Variants in NRG1 observed in about 807,000 individuals in gnomAD.
The protein encoded by NRG1 is neuregulin 1, also known as pro-neuregulin-1, membrane-bound isoform.
In NRG1, 18 loss-of-function variants were observed where a neutral mutation model predicts 63.8. The ratio of observed to expected loss-of-function variants is 0.28; its 90% CI spans 0.19 to 0.42. NRG1 has a LOEUF of 0.42. Ranked by LOEUF, NRG1 falls within the 10% of genes least tolerant of loss-of-function variation. The pLI, the probability that NRG1 is intolerant of heterozygous loss-of-function variation, is 1.00. For synonymous variants in NRG1, 302 were observed against 301.3 expected (o/e 1.00, Z -0.02); for missense variants, 762 against 814.7 (o/e 0.94, Z 0.79).
intron 5 of NRG1, among the ~76,000 whole-genome samples, chr8:32,652,068 GTC>G (rs2129547631): frequency 1.3e-5 from 2 of 152,206 alleles, no homozygotes; most frequent in South Asian, 4.1e-4. Flanking sequence ...ATTAGAAAAT[GTC>G]TCTGTCTCTG....
intron 1 of NRG1, among the ~76,000 whole-genome samples, chr8:31,803,072 A>G (rs988272876): frequency 2.0e-5 from 3 of 152,202 alleles, no homozygotes; most frequent in Non-Finnish European, 4.4e-5. Context: ...GAGTGCCATG[A>G]AGGATGAGTC....
At chr8:32,396,376 C>G (rs950255138) in intron 1 of NRG1, among the ~76,000 whole-genome samples, 1 of 152,246 alleles carries the variant, frequency 6.6e-6, no homozygotes, top group South Asian at 2.1e-4. Flanking sequence ...TTCTTTAAAA[C>G]TTCTTTCAAC....
At chr8:32,719,830 C>T (rs959587603) in intron 5 of NRG1, among the ~76,000 whole-genome samples, 1 of 151,988 alleles carries the variant, frequency 6.6e-6, no homozygotes, top group Non-Finnish European at 1.5e-5. Flanking sequence ...ATTGCATCCC[C>T]TCTTGATGCC....
intron 1 of NRG1, among the ~76,000 whole-genome samples, chr8:32,281,195 T>TTTTTTTTTTTTTTTTTTTA (rs1852790731): frequency 7.0e-6 from 1 of 142,074 alleles, no homozygotes. Context: ...TTTTTTTTTT[T>TTTTTTTTTTTTTTTTTTTA]GAGACAGAAT....
intron 1 of NRG1, among the ~76,000 whole-genome samples, chr8:31,645,451 C>T (rs1745735435): frequency 6.6e-6 from 1 of 152,146 alleles, no homozygotes; most frequent in South Asian, 2.1e-4. Context: ...TCAAGTAAAT[C>T]TGTTTCTGAA....
rs1224167483 is a variant in NRG1 at position 32,026,187 on chromosome 8, GA to G, written c.37+386757del. 14 of 151,272 alleles carry G rather than the reference GA, an allele frequency of 9.3e-5. 1 individual carries two copies. The highest frequency in any genetic ancestry group is 3.4e-4 in the African/African-American group (14 of 41,294). The allele number at this position is 151,272 out of a possible 1,614,324, so 9.4% of individuals were successfully genotyped here. A position where few individuals can be genotyped will look rare whatever the true frequency, so the allele number is the denominator to read the frequency against. The stretch of plus-strand genomic sequence containing the variant: ...AGATTCACGCCATTCTCCTGCCTCA[GA>G]CCCCGGAGTAGCCGGGACTACAGGC... On this transcript the variant is annotated intron_variant, in intron 1 of 10. Coordinates refer to the NRG1 transcript ENST00000519301.
At chr8:32,372,410 TA>T (rs892906948) in intron 1 of NRG1, among the ~76,000 whole-genome samples, 3 of 151,780 alleles carry the variant, frequency 2.0e-5, no homozygotes, top group African/African-American at 7.3e-5. Flanking sequence ...GTATTATGTA[TA>T]AAAAAAAGTC....
chr8:32,452,506 A>G (rs1488211716), intron 1 of NRG1, among the ~76,000 whole-genome samples: 1 of 152,226 alleles, frequency 6.6e-6, no homozygotes, highest in African/African-American at 2.4e-5. Flanking sequence ...CAGAACCACT[A>G]AAGTCTAGAG....
chr8:32,692,907 A>C (rs886410076), intron 5 of NRG1, among the ~76,000 whole-genome samples: 8 of 152,180 alleles, frequency 5.3e-5, no homozygotes, highest in African/African-American at 1.9e-4. Context: ...GCCACCTGAC[A>C]TGTGCAGGTC....
intron 1 of NRG1, among the ~76,000 whole-genome samples, chr8:32,518,100 T>C (rs916648235): frequency 2.6e-5 from 4 of 152,282 alleles, no homozygotes; most frequent in Non-Finnish European, 5.9e-5. Flanking sequence ...TATCTCACAA[T>C]TTTTTCCTAG....
At chr8:31,946,706 T>C (rs1455646817) in intron 1 of NRG1, among the ~76,000 whole-genome samples, 3 of 152,116 alleles carry the variant, frequency 2.0e-5, no homozygotes, top group Non-Finnish European at 4.4e-5. Context: ...TGGTGTCCCC[T>C]CCAGGAGGAT....
intron 1 of NRG1, among the ~76,000 whole-genome samples, chr8:31,832,718 G>T (rs142741303): frequency 1.2e-3 from 183 of 152,152 alleles, no homozygotes; most frequent in African/African-American, 4.0e-3. Flanking sequence ...ATTAGGATGG[G>T]GATGTTAGAG....
At chr8:31,863,408 A>G (rs1828652565) in intron 1 of NRG1, among the ~76,000 whole-genome samples, 1 of 152,174 alleles carries the variant, frequency 6.6e-6, no homozygotes. Context: ...GTTTTGTTTA[A>G]TGTTACCTGC....
At chr8:31,684,454 T>C (rs566109733) in intron 1 of NRG1, among the ~76,000 whole-genome samples, 9 of 152,302 alleles carry the variant, frequency 5.9e-5, no homozygotes, top group Non-Finnish European at 1.3e-4. Flanking sequence ...GCTGGGACCT[T>C]GATCTTGGAC....
chr8:32,728,022 T>C, exon 6 of NRG1: 1 of 1,614,114 alleles, frequency 6.2e-7, no homozygotes, highest in South Asian at 1.1e-5. Flanking sequence ...TCTGTGTGAA[T>C]GGAGGGGAGT....
At chr8:32,500,287 C>T (rs898476089) in intron 1 of NRG1, among the ~76,000 whole-genome samples, 1 of 152,178 alleles carries the variant, frequency 6.6e-6, no homozygotes, top group African/African-American at 2.4e-5. Context: ...AGCCATTAGA[C>T]TTTATCTGTA....
chr8:31,722,714 A>G (rs1033274260), intron 1 of NRG1, among the ~76,000 whole-genome samples: 1 of 152,218 alleles, frequency 6.6e-6, no homozygotes, highest in Non-Finnish European at 1.5e-5. Context: ...AACCAGACAC[A>G]TAGAGTAAAA....
intron 1 of NRG1, among the ~76,000 whole-genome samples, chr8:31,908,387 G>A (rs1371664706): frequency 1.3e-5 from 2 of 152,142 alleles, no homozygotes; most frequent in African/African-American, 4.8e-5. Context: ...TCAATTATTT[G>A]AGGAATCTTG....
At chr8:31,834,085 G>A (rs1021151267) in intron 1 of NRG1, among the ~76,000 whole-genome samples, 4 of 152,138 alleles carry the variant, frequency 2.6e-5, no homozygotes, top group African/African-American at 9.7e-5. Flanking sequence ...GAGGCACCAT[G>A]AACAAGCTGG....
Sources: gnomAD v4.1 joint callset for allele counts (sites outside exome capture counted in the v4.1 genomes callset) on GRCh38, gnomAD v4.1.1 for gene constraint, MANE v1.5 for transcripts, NCBI Gene and HGNC (gene_info 2026-07-23, HGNC 2026-07-21) for gene names.